Variants in DTNB observed in about 807,000 individuals in gnomAD.
DTNB encodes the protein DTN-B.
Under a neutral mutation model 90.7 loss-of-function variants are expected in DTNB, and 63 were observed. That is an observed-to-expected ratio of 0.69 (90% CI 0.57 to 0.86). DTNB has a LOEUF of 0.86. Among genes scored for constraint, DTNB ranks in the 40% least tolerant of loss-of-function variants. The probability of loss-of-function intolerance (pLI) is 0.00; values close to 1 mark genes in which losing one functional copy is unlikely to be tolerated. For missense variants in DTNB, 744 were observed against 807.1 expected, an observed-to-expected ratio of 0.92 and a Z score of 0.95; for synonymous variants, 277 against 286.7, an observed-to-expected ratio of 0.97 and a Z score of 0.34.
intron 7 of DTNB, among the ~76,000 whole-genome samples, chr2:25,580,172 G>C (rs2061352226): frequency 6.6e-6 from 1 of 151,814 alleles, no homozygotes; most frequent in Non-Finnish European, 1.5e-5. Flanking sequence ...AGTAGAAACA[G>C]GGTTTTGCCA....
intron 9 of DTNB, among the ~76,000 whole-genome samples, chr2:25,490,239 G>A (rs909100089): frequency 1.3e-5 from 2 of 152,046 alleles, no homozygotes; most frequent in Non-Finnish European, 2.9e-5. Flanking sequence ...TCAAACCACT[G>A]CACTTCAGCC....
intron 1 of DTNB, among the ~76,000 whole-genome samples, chr2:25,663,189 T>C (rs1361330375): frequency 6.6e-6 from 1 of 152,180 alleles, no homozygotes; most frequent in Non-Finnish European, 1.5e-5. Context: ...TGTGTTGGTC[T>C]GCTGAGAATG....
chr2:25,458,695 A>G (rs532726414), intron 10 of DTNB, among the ~76,000 whole-genome samples: 6 of 151,998 alleles, frequency 3.9e-5, no homozygotes, highest in African/African-American at 1.2e-4. Flanking sequence ...CCCAGGCTGG[A>G]GTGCAGTGGT....
At chr2:25,470,913 A>C (rs2062677284) in intron 10 of DTNB, among the ~76,000 whole-genome samples, 1 of 152,174 alleles carries the variant, frequency 6.6e-6, no homozygotes. Flanking sequence ...CACAATGTCA[A>C]GGCACTAGCG....
At chr2:25,591,488 A>G (rs1378472283) in intron 6 of DTNB, among the ~76,000 whole-genome samples, 1 of 152,206 alleles carries the variant, frequency 6.6e-6, no homozygotes, top group Non-Finnish European at 1.5e-5. Flanking sequence ...CTAAGGAGAA[A>G]TATTGCATTT....
At position 25,531,606 on chromosome 2, in the gene DTNB, A is replaced by T; in HGVS notation, c.877-9T>A. The T allele has an allele frequency of 1.2e-6, 2 of 1,613,036 alleles. No individual in the cohort carries two copies. Among genetic ancestry groups the T allele is most frequent in the Non-Finnish European group, 8.5e-7 (1 of 1,179,654 alleles). ...TTCTTTGCAGGAGATTTCTGTGTCA[A>T]AGCAGAAAATAGTAAGGAATTAACC... On this transcript the variant is annotated splice_polypyrimidine_tract_variant and intron_variant, in intron 8 of 20. Transcript: ENST00000406818.
At chr2:25,509,503 C>T (rs188888075) in intron 9 of DTNB, among the ~76,000 whole-genome samples, 91 of 152,146 alleles carry the variant, frequency 6.0e-4, no homozygotes, top group Middle Eastern at 3.4e-3. Flanking sequence ...TTTGTCTTTG[C>T]CTTTCTTGAC....
At chr2:25,460,967 T>C (rs1173255492) in intron 10 of DTNB, among the ~76,000 whole-genome samples, 2 of 151,592 alleles carry the variant, frequency 1.3e-5, no homozygotes, top group African/African-American at 2.4e-5. Context: ...GTGTGATCAC[T>C]GCAGAGGCTC....
intron 12 of DTNB, among the ~76,000 whole-genome samples, chr2:25,436,258 C>G (rs545333250): frequency 6.6e-6 from 1 of 152,076 alleles, no homozygotes; most frequent in South Asian, 2.1e-4. Context: ...TTGCTTGAAC[C>G]TGGGAGGTGG....
intron 9 of DTNB, chr2:25,497,297 C>T (rs965332658): frequency 6.6e-6 from 1 of 152,226 alleles, no homozygotes; most frequent in Non-Finnish European, 1.5e-5. Context: ...ATGAAACACA[C>T]CTACTTGCAA....
At chr2:25,390,150 G>A (rs770594173) in intron 16 of DTNB, among the ~76,000 whole-genome samples, 7 of 152,058 alleles carry the variant, frequency 4.6e-5, no homozygotes, top group Admixed American at 6.6e-5. Flanking sequence ...GGTATTTCAC[G>A]CTTTTAAATT....
intron 9 of DTNB, among the ~76,000 whole-genome samples, chr2:25,526,395 A>ATATATATATATATTTTTT: frequency 8.0e-5 from 4 of 49,820 alleles, no homozygotes; most frequent in African/African-American, 3.9e-4. Context: ...ATATATATAT[A>ATATATATATATATTTTTT]TTTTTTTTTT....
chr2:25,653,473 A>AGCTT (rs201045287), intron 1 of DTNB, among the ~76,000 whole-genome samples: 23 of 121,834 alleles, frequency 1.9e-4, no homozygotes, highest in African/African-American at 3.7e-4. Context: ...AACTGTTCAG[A>AGCTT]GCTTGCTTTC....
chr2:25,559,802 A>G (rs1041942164), intron 8 of DTNB, among the ~76,000 whole-genome samples: 1 of 152,246 alleles, frequency 6.6e-6, no homozygotes, highest in Non-Finnish European at 1.5e-5. Flanking sequence ...GTATTTTCAT[A>G]TAAGACAGAT....
At chr2:25,635,147 A>G (rs762453234) in intron 3 of DTNB, among the ~76,000 whole-genome samples, 3 of 152,160 alleles carry the variant, frequency 2.0e-5, no homozygotes, top group South Asian at 2.1e-4. Flanking sequence ...AAATCCAATG[A>G]AGAGGCTGGG....
chr2:25,620,506 A>T (rs1227227680), intron 4 of DTNB, among the ~76,000 whole-genome samples: 1 of 152,274 alleles, frequency 6.6e-6, no homozygotes, highest in Non-Finnish European at 1.5e-5. Context: ...TCTTTTAAAA[A>T]AATAAATGAA....
At chr2:25,620,272 A>G (rs1314517663) in intron 4 of DTNB, among the ~76,000 whole-genome samples, 1 of 152,152 alleles carries the variant, frequency 6.6e-6, no homozygotes, top group East Asian at 1.9e-4. Context: ...CATTAAACCA[A>G]CGGAGGAGTG....
At chr2:25,666,679 A>C (rs920573150) in intron 1 of DTNB, among the ~76,000 whole-genome samples, 2 of 152,168 alleles carry the variant, frequency 1.3e-5, no homozygotes, top group Non-Finnish European at 2.9e-5. Context: ...AGGCTCAAAA[A>C]CAAGATAAAC....
chr2:25,633,970 A>G (rs1245219317), intron 3 of DTNB, among the ~76,000 whole-genome samples: 9 of 139,100 alleles, frequency 6.5e-5, no homozygotes, highest in South Asian at 2.4e-4. Flanking sequence ...GAGCCCCTCC[A>G]CCCGGCAGCC....
Sources: gnomAD v4.1 joint callset for allele counts (sites outside exome capture counted in the v4.1 genomes callset) on GRCh38, gnomAD v4.1.1 for gene constraint, MANE v1.5 for transcripts, NCBI Gene and HGNC (gene_info 2026-07-23, HGNC 2026-07-21) for gene names.